GCA: variants seen among roughly 807,000 people sequenced by gnomAD.
The protein encoded by GCA is grancalcin, EF-hand calcium-binding protein.
Under a neutral mutation model 32.6 loss-of-function variants are expected in GCA, and 30 were observed. The observed-to-expected ratio is 0.92, with a 90% CI of 0.69 to 1.25. The LOEUF (loss-of-function observed/expected upper bound fraction) is 1.25, where lower values mean the gene tolerates loss of function less well. GCA is among the 50% of genes most tolerant of loss of function. GCA has a pLI of 0.00. For missense variants in GCA, 291 were observed against 266.8 expected (o/e 1.09, Z -0.63); for synonymous variants, 102 against 84.6 (o/e 1.21, Z -1.13).
chr2:162,330,213 T>C lies in GCA; in HGVS notation c.-31+10988T>C, dbSNP rs180803044. On this transcript the variant is annotated intron_variant, in intron 1 of 4. Transcript: ENST00000429691. The stretch of plus-strand genomic sequence containing the variant: ...CCAGTAATGGGATTGCTGGGTCAAA[T>C]GGTATTTCTGTCTTTAGGTCTTGGA... Among the ~76,000 whole-genome samples, 20 of 152,344 alleles carry C rather than the reference T, an allele frequency of 1.3e-4. No homozygotes were observed. The East Asian group carries it at 3.3e-3, about 25-fold the overall frequency.
intron 1 of GCA, among the ~76,000 whole-genome samples, chr2:162,345,536 A>T (rs1684656729): frequency 6.6e-6 from 1 of 152,178 alleles, no homozygotes; most frequent in Non-Finnish European, 1.5e-5. Context: ...GTGCTTCCTT[A>T]CCCACTTTTG....
chr2:162,326,807 C>A (rs1281511462), intron 1 of GCA, among the ~76,000 whole-genome samples: 1 of 152,184 alleles, frequency 6.6e-6, no homozygotes, highest in African/African-American at 2.4e-5. Context: ...CATGAGCCAC[C>A]ACACCTGGCC....
downstream of GCA, chr2:162,373,595 C>T (rs1200559118): frequency 6.3e-7 from 1 of 1,576,800 alleles, no homozygotes; most frequent in African/African-American, 1.4e-5. Flanking sequence ...GCTGGGGGGA[C>T]CACAGTGGTT....
chr2:162,321,673 C>T (rs1009072593), intron 1 of GCA, among the ~76,000 whole-genome samples: 2 of 151,694 alleles, frequency 1.3e-5, no homozygotes, highest in African/African-American at 4.8e-5. Flanking sequence ...GAAAAATCAC[C>T]TCAAATACAT....
chr2:162,326,674 G>A (rs987401482), intron 1 of GCA, among the ~76,000 whole-genome samples: 4 of 152,076 alleles, frequency 2.6e-5, no homozygotes, highest in African/African-American at 9.7e-5. Context: ...GCCCCACCAT[G>A]CCCAACTAAT....
In GCA at chr2:162,359,450, A is replaced by G. The variant is rs754427407; in HGVS notation, c.569-44A>G. ...CTGGGTGCACTAAATATTTGAAACT[A>G]TGTATTTTAAATTACAATAAAAAAG... On this transcript the variant is annotated intron_variant, in intron 6 of 7. Coordinates refer to ENST00000437150, the MANE Select transcript of GCA (RefSeq NM_012198.5). 7.0e-5 allele frequency: 62 copies of G among 889,074 alleles called. No individual in the cohort carries two copies. In the South Asian group the frequency reaches 8.9e-4, roughly 13 times the overall value. 55.1% of individuals were successfully genotyped at this position (889,074 alleles called of 1,614,324 possible).
chr2:162,355,154 A>C (rs1458464075), intron 3 of GCA, among the ~76,000 whole-genome samples: 1 of 152,180 alleles, frequency 6.6e-6, no homozygotes, highest in Non-Finnish European at 1.5e-5. Context: ...AACGTGGGGA[A>C]CTGCCTTTCT....
rs181421232 is a variant in GCA at position 162,344,322 on chromosome 2, G to C, written c.27+47G>C. On this transcript the variant is annotated intron_variant, in intron 1 of 7. Coordinates refer to ENST00000437150, the MANE Select transcript of GCA (RefSeq NM_012198.5). ...GTGTCCCTCTTCCTCGCGGGGTGTGGCGCCCCCGGGGGCGGTGCCAACGTG... is the reference window on the plus strand; with the variant it reads ...GTGTCCCTCTTCCTCGCGGGGTGTGCCGCCCCCGGGGGCGGTGCCAACGTG... 88 of 1,592,774 alleles carry C rather than the reference G, an allele frequency of 5.5e-5. No individual in the cohort carries two copies. The East Asian group carries it at 1.8e-3, about 32-fold the overall frequency.
rs766025874 is a variant in GCA at position 162,357,534 on chromosome 2, A to C, written c.454+629A>C. On this transcript the variant is annotated intron_variant, in intron 5 of 7. Coordinates refer to ENST00000437150, the MANE Select transcript of GCA (RefSeq NM_012198.5). ...TATGCTTGTGATTTACACTCTTCTA[A>C]ACAAAATCTATTTGTATGAAAATTA... 2.0e-5 allele frequency among the ~76,000 whole-genome samples: 3 copies of C among 151,800 alleles called. 1 individual carries two copies. The highest frequency in any genetic ancestry group is 4.4e-5 in the Non-Finnish European group (3 of 67,762).
rs772969823 is a variant in GCA, at chr2:162,344,293, G to A, written c.27+18G>A. On this transcript the variant is annotated intron_variant, in intron 1 of 7. Transcript: ENST00000437150. ...GAGGAGGGGTGAGTCCCAGCCGCTT[G>A]GTCGTGTCCCTCTTCCTCGCGGGGT... The A allele has an allele frequency of 5.6e-6, 9 of 1,612,992 alleles. No individual in the cohort carries two copies. The highest frequency in any genetic ancestry group is 1.6e-4 in the Middle Eastern group (1 of 6,082).
intron 3 of GCA, among the ~76,000 whole-genome samples, chr2:162,354,682 T>C (rs1685173244): frequency 6.6e-6 from 1 of 152,212 alleles, no homozygotes; most frequent in Non-Finnish European, 1.5e-5. Flanking sequence ...TCTCAGCTTT[T>C]CTCATTACAA....
At chr2:162,322,795 T>C (rs1683728780) in intron 1 of GCA, among the ~76,000 whole-genome samples, 1 of 151,718 alleles carries the variant, frequency 6.6e-6, no homozygotes, top group Admixed American at 6.5e-5. Flanking sequence ...ATTTTCTTAA[T>C]CCAGTCTATC....
chr2:162,337,261 G>C (rs1684298581), intron 1 of GCA, among the ~76,000 whole-genome samples: 1 of 152,172 alleles, frequency 6.6e-6, no homozygotes, highest in Non-Finnish European at 1.5e-5. Context: ...TAATCTTAAT[G>C]CAGGTCATGG....
chr2:162,365,494 A>G (rs1685724439), downstream of GCA, among the ~76,000 whole-genome samples: 1 of 151,624 alleles, frequency 6.6e-6, no homozygotes, highest in African/African-American at 2.4e-5. Flanking sequence ...ATGCTACATT[A>G]TGTGCATAAA....
upstream of GCA, among the ~76,000 whole-genome samples, chr2:162,340,906 C>T (rs1339051209): frequency 6.6e-6 from 1 of 152,112 alleles, no homozygotes; most frequent in Non-Finnish European, 1.5e-5. Flanking sequence ...AATAAAGCTA[C>T]CCAAGTACTC....
rs377110441 is a variant in GCA, at chr2:162,344,162, G to A, written c.-87G>A. On this transcript the variant is annotated 5_prime_UTR_variant, in exon 1 of 8. Coordinates refer to ENST00000437150, the MANE Select transcript of GCA (RefSeq NM_012198.5). ...GCCTTTCAGCCTCACCTGCAGCTGCGCCTCCTTGCACCTGCGCCTGTGCTT... is the reference window on the plus strand; with the variant it reads ...GCCTTTCAGCCTCACCTGCAGCTGCACCTCCTTGCACCTGCGCCTGTGCTT... 9.9e-6 allele frequency: 14 copies of A among 1,416,460 alleles called. No individual in the cohort carries two copies. In the Admixed American group the frequency reaches 2.0e-4, roughly 21 times the overall value. The allele number at this position is 1,416,460 out of a possible 1,614,324, so 87.7% of individuals were successfully genotyped here.
chr2:162,369,112 A>G (rs998600615), intron 4 of GCA, among the ~76,000 whole-genome samples: 7 of 152,074 alleles, frequency 4.6e-5, no homozygotes, highest in Non-Finnish European at 1.5e-5. Flanking sequence ...CACTGCCATT[A>G]TGATTGGCTG....
At chr2:162,351,225 C>T (rs942925816) in intron 2 of GCA, among the ~76,000 whole-genome samples, 1 of 152,188 alleles carries the variant, frequency 6.6e-6, no homozygotes, top group African/African-American at 2.4e-5. Context: ...CACACTGCTT[C>T]TACTTTTCCA....
intron 2 of GCA, among the ~76,000 whole-genome samples, chr2:162,349,910 A>G (rs1684905786): frequency 6.6e-6 from 1 of 152,214 alleles, no homozygotes; most frequent in Non-Finnish European, 1.5e-5. Context: ...TAGAACTTTA[A>G]TAACATTTTA....
Sources: gnomAD v4.1 joint callset for allele counts (sites outside exome capture counted in the v4.1 genomes callset) on GRCh38, gnomAD v4.1.1 for gene constraint, MANE v1.5 for transcripts, NCBI Gene and HGNC (gene_info 2026-07-23, HGNC 2026-07-21) for gene names.